Variants in FBXL5 observed in about 807,000 individuals in gnomAD.
The protein encoded by FBXL5 is F-box and leucine rich repeat protein 5.
FBXL5 carries 26 observed loss-of-function variants against 78.3 expected under a neutral mutation model. The observed-to-expected ratio is 0.33, with a 90% CI of 0.24 to 0.46. FBXL5 has a LOEUF of 0.46. Ranked by LOEUF, FBXL5 falls within the 20% of genes least tolerant of loss-of-function variation. FBXL5 has a pLI of 1.00. For synonymous variants in FBXL5, 295 were observed against 282.5 expected (o/e 1.04, Z -0.45); for missense variants, 710 against 829.2 (o/e 0.86, Z 1.77).
chr4:15,659,504 G>C, upstream of FBXL5, among the ~76,000 whole-genome samples: 1 of 152,128 alleles, frequency 6.6e-6, no homozygotes, highest in East Asian at 1.9e-4. Flanking sequence ...CTTCTACCAG[G>C]AGAATGTGAG....
chr4:15,612,354 A>T lies in FBXL5; in HGVS notation c.1911T>A (p.Leu637=). 1.9e-6 allele frequency: 3 copies of T among 1,613,036 alleles called. No homozygotes were observed. The highest frequency in any genetic ancestry group is 4.5e-5 in the East Asian group (2 of 44,826). The change falls in exon 10 of 11, where the codon CTT becomes CTA. Residue 637 remains leucine (L), a synonymous_variant. Transcript: ENST00000341285. ...CCTGCAGGCCTGCACCAGTTATAGTAAGACAACCAGAGAGATTAAGGTGCT... is the reference window on the plus strand; with the variant it reads ...CCTGCAGGCCTGCACCAGTTATAGTTAGACAACCAGAGAGATTAAGGTGCT... ...YLEHLNLSGC[L]TITGAGLQDL...
chr4:15,630,984 G>C (rs1713583996), intron 5 of FBXL5, among the ~76,000 whole-genome samples, 193 bp from the exon 6 acceptor site: 2 of 152,104 alleles, frequency 1.3e-5, no homozygotes, highest in South Asian at 4.1e-4. Context: ...TGTTACATAG[G>C]TATATATGTG....
At chr4:15,621,184 G>A (rs1258818309) in intron 9 of FBXL5, among the ~76,000 whole-genome samples, 6 of 152,106 alleles carry the variant, frequency 3.9e-5, no homozygotes, top group African/African-American at 4.8e-5. Context: ...TCTGTCTGTA[G>A]ATGGCACGAC....
intron 5 of FBXL5, among the ~76,000 whole-genome samples, chr4:15,631,407 A>T (rs1167298620): frequency 6.6e-6 from 1 of 152,216 alleles, no homozygotes; most frequent in Non-Finnish European, 1.5e-5. Flanking sequence ...TAGTAGCATA[A>T]TTTATAATCC....
rs184326059 is a variant in FBXL5 at position 15,681,074 on chromosome 4, A to T, written c.-284+309T>A. Among the ~76,000 whole-genome samples the T allele has an allele frequency of 4.8e-4, 73 of 151,974 alleles. No individual in the cohort carries two copies. The East Asian group carries it at 0.014, about 29-fold the overall frequency. On this transcript the variant is annotated intron_variant, in intron 1 of 4. Coordinates refer to the FBXL5 transcript ENST00000507899. The stretch of plus-strand genomic sequence containing the variant: ...TCAAGAAATCTGCTTTGTTACAATC[A>T]TTAGAGGACAGAAATATACATACAT...
intron 10 of FBXL5, among the ~76,000 whole-genome samples, chr4:15,608,050 T>C (rs969154437): frequency 1.8e-4 from 28 of 152,260 alleles, no homozygotes; most frequent in Non-Finnish European, 2.9e-5. Flanking sequence ...ATGACACTAT[T>C]TGAGGACTTC....
intron 3 of FBXL5, among the ~76,000 whole-genome samples, chr4:15,639,273 G>C (rs1026975073): frequency 3.9e-5 from 6 of 152,198 alleles, no homozygotes; most frequent in Non-Finnish European, 5.9e-5. Context: ...TCCCTTTATA[G>C]AATTTGTCAC....
At chr4:15,645,274 T>C (rs939121843) in intron 1 of FBXL5, among the ~76,000 whole-genome samples, 1 of 152,144 alleles carries the variant, frequency 6.6e-6, no homozygotes, top group Non-Finnish European at 1.5e-5. Flanking sequence ...AAATTATTCC[T>C]ACTATACATA....
intron 2 of FBXL5, among the ~76,000 whole-genome samples, chr4:15,642,389 C>T (rs1714974557): frequency 6.6e-6 from 1 of 151,934 alleles, no homozygotes; most frequent in South Asian, 2.1e-4. Flanking sequence ...CCCATCACAA[C>T]TCCCAGCTAA....
chr4:15,652,998 A>G (rs1380507858), intron 1 of FBXL5, among the ~76,000 whole-genome samples: 2 of 152,204 alleles, frequency 1.3e-5, no homozygotes, highest in East Asian at 3.8e-4. Flanking sequence ...AGATTACTGA[A>G]CCATTACAAA....
chr4:15,670,711 A>C (rs1577516459), intron 1 of FBXL5, among the ~76,000 whole-genome samples: 2 of 22,070 alleles, frequency 9.1e-5, no homozygotes, highest in Non-Finnish European at 2.3e-4. Flanking sequence ...TGAAAAAAGG[A>C]AAAAAAAAAA....
intron 10 of FBXL5, among the ~76,000 whole-genome samples, chr4:15,608,421 G>C (rs1016555958): frequency 3.9e-5 from 6 of 152,096 alleles, no homozygotes; most frequent in African/African-American, 7.2e-5. Flanking sequence ...TGAAGTCTAA[G>C]GGATGGTGGC....
intron 10 of FBXL5, among the ~76,000 whole-genome samples, chr4:15,607,225 T>C (rs372364257): frequency 3.3e-5 from 5 of 152,324 alleles, no homozygotes; most frequent in Admixed American, 1.3e-4. Context: ...CACAGGTTTA[T>C]AACTGCTGAA....
At chr4:15,633,106 G>T (rs1190207647) in intron 5 of FBXL5, among the ~76,000 whole-genome samples, 3 of 152,130 alleles carry the variant, frequency 2.0e-5, no homozygotes, top group Non-Finnish European at 4.4e-5. Flanking sequence ...GACACACTGA[G>T]AAGAACTATG....
chr4:15,614,443 G>A (rs567927808), intron 9 of FBXL5, among the ~76,000 whole-genome samples: 4 of 152,340 alleles, frequency 2.6e-5, no homozygotes, highest in Admixed American at 1.3e-4. Flanking sequence ...AGCATCAGCT[G>A]CAGTAGTATA....
At chr4:15,614,549 T>C (rs1711573952) in intron 9 of FBXL5, among the ~76,000 whole-genome samples, 1 of 152,130 alleles carries the variant, frequency 6.6e-6, no homozygotes, top group Non-Finnish European at 1.5e-5. Context: ...ATTATGTCCT[T>C]GGTCTTTGGC....
At chr4:15,633,636 C>T (rs1178241757) in intron 5 of FBXL5, among the ~76,000 whole-genome samples, 1 of 152,226 alleles carries the variant, frequency 6.6e-6, no homozygotes, top group Non-Finnish European at 1.5e-5. Flanking sequence ...CTCTGCCGCC[C>T]AGGCTGGAGT....
chr4:15,625,776 C>T lies in FBXL5; in HGVS notation c.1326G>A (p.Lys442=), dbSNP rs1364897305. The T allele has an allele frequency of 6.8e-6, 11 of 1,614,028 alleles. No individual in the cohort carries two copies. The highest frequency in any genetic ancestry group is 2.7e-5 in the African/African-American group (2 of 74,912). The change falls in exon 9 of 11, where the codon AAG becomes AAA. Residue 442 remains lysine, a synonymous_variant. Transcript: ENST00000341285. ...TTAAATCGTGCAAACAGGCATACTG[C>T]TTGGTGGACTGCATGGTAATGTCTT... is the stretch of plus-strand genomic sequence containing the variant. ...KNKDITMQST[K]QYACLHDLTN...
At chr4:15,650,661 CTTTTTTT>C (rs34334098) in intron 1 of FBXL5, among the ~76,000 whole-genome samples, 3 of 77,884 alleles carry the variant, frequency 3.9e-5, no homozygotes, top group East Asian at 4.1e-4. Context: ...AACTGACTTT[CTTTTTTT>C]TTTTTTTTTT....
Sources: allele counts gnomAD v4.1 joint callset (sites outside exome capture counted in the v4.1 genomes callset), GRCh38; gene constraint gnomAD v4.1.1; transcripts MANE v1.5; gene names NCBI Gene and HGNC (gene_info 2026-07-23, HGNC 2026-07-21).